COL5A1: variants seen among roughly 807,000 people sequenced by gnomAD.
The protein encoded by COL5A1 is collagen alpha-1(V) chain.
Under a neutral mutation model 263.7 loss-of-function variants are expected in COL5A1, and 16 were observed. That is an observed-to-expected ratio of 0.06 (90% CI 0.04 to 0.09). COL5A1 has a LOEUF of 0.09. COL5A1 is among the 10% of genes least tolerant of loss of function. COL5A1 has a pLI of 1.00. For synonymous variants in COL5A1, 1,012 were observed against 1,004.5 expected (o/e 1.01, Z -0.14); for missense variants, 2,036 against 2,540.5 (o/e 0.80, Z 4.27).
chr9:134,738,475 G>A lies in COL5A1; in HGVS notation c.1391G>A (p.Gly464Asp). ...GACGCCCTCTCTCTGTCTCCCCAGG[G>A]CATGCTCATCGAGGGCCCGCCTGGC... is the stretch of plus-strand genomic sequence containing the variant. ...QKGEPAIIEP[G>D]MLIEGPPGPE... The change falls in exon 10 of 66, where the codon GGC (glycine) becomes GAC (aspartate). Residue 464 changes from glycine (G) to aspartate (D), a missense_variant and splice_region_variant. Gly to Asp is a moderately conservative substitution (Grantham distance 94). This residue lies in a region of COL5A1 where 600 missense variants were observed against 634.5 expected (regional missense o/e 0.95). Coordinates refer to ENST00000371817, the MANE Select transcript of COL5A1 (RefSeq NM_000093.5). 1.2e-6 allele frequency: 2 copies of A among 1,614,064 alleles called. No homozygotes were observed. The highest frequency in any genetic ancestry group is 2.2e-5 in the South Asian group (2 of 91,088).
chr9:134,722,030 C>A (rs930504139), intron 4 of COL5A1, among the ~76,000 whole-genome samples: 10 of 152,262 alleles, frequency 6.6e-5, no homozygotes, highest in African/African-American at 2.2e-4. Context: ...TCTCCTTCTC[C>A]ACGGGGGTGG....
At chr9:134,662,368 C>T (rs2132499087) in intron 1 of COL5A1, among the ~76,000 whole-genome samples, 1 of 152,348 alleles carries the variant, frequency 6.6e-6, no homozygotes, top group South Asian at 2.1e-4. Flanking sequence ...CAGCTGGTTT[C>T]CAGCCCAGTC....
chr9:134,795,565 CCCCAACA>C (rs1837875720), intron 34 of COL5A1, among the ~76,000 whole-genome samples: 1 of 152,196 alleles, frequency 6.6e-6, no homozygotes, highest in Non-Finnish European at 1.5e-5. Flanking sequence ...CAGGGCCTCG[CCCCAACA>C]CCTGGGACCC....
chr9:134,737,185 A>G (rs1413199826), intron 9 of COL5A1, among the ~76,000 whole-genome samples: 4 of 152,214 alleles, frequency 2.6e-5, no homozygotes, highest in African/African-American at 4.8e-5. Flanking sequence ...CAGGCTGTCC[A>G]TGCCACACTT....
At chr9:134,671,987 G>C (rs1832552403) in intron 1 of COL5A1, among the ~76,000 whole-genome samples, 1 of 152,202 alleles carries the variant, frequency 6.6e-6, no homozygotes, top group South Asian at 2.1e-4. Flanking sequence ...CTTGGTGTGG[G>C]GGGGCCCACT....
At chr9:134,690,192 C>T (rs2132549471) in intron 1 of COL5A1, among the ~76,000 whole-genome samples, 1 of 152,252 alleles carries the variant, frequency 6.6e-6, no homozygotes, top group East Asian at 1.9e-4. Flanking sequence ...GGCTGCCCCT[C>T]CCTTGTTCTT....
Position 134,805,225 on chromosome 9 carries a change from G to T in COL5A1, c.3258+11G>T. On this transcript the variant is annotated intron_variant, in intron 41 of 65. Transcript: ENST00000371817. Reference sequence around the variant, plus strand: ...CCACCAGGCCCTGCGGTGAGTCAAAGCCTTTGTCCCATCCTCTTTCTTGAA... The same window carrying T: ...CCACCAGGCCCTGCGGTGAGTCAAATCCTTTGTCCCATCCTCTTTCTTGAA... 2 of 1,613,832 alleles carry T rather than the reference G, an allele frequency of 1.2e-6. No homozygotes were observed. Among genetic ancestry groups the T allele is most frequent in the Non-Finnish European group, 1.7e-6 (2 of 1,180,004 alleles).
At chr9:134,692,215 G>A (rs1411818636) in intron 2 of COL5A1, among the ~76,000 whole-genome samples, 1 of 152,150 alleles carries the variant, frequency 6.6e-6, no homozygotes, top group African/African-American at 2.4e-5. Context: ...AGGTGAAGTG[G>A]CCTGGGACCC....
chr9:134,823,604 C>A, intron 61 of COL5A1, 135 bp downstream of exon 61: 2 of 883,798 alleles, frequency 2.3e-6, no homozygotes, highest in South Asian at 1.6e-5. Context: ...CCTTGTCCCT[C>A]GCACGCAGCC....
intron 4 of COL5A1, chr9:134,709,198 C>T: frequency 2.9e-6 from 1 of 350,274 alleles, no homozygotes; most frequent in East Asian, 7.6e-5. Context: ...GGTTTTTCGT[C>T]TCTTAAATTG....
intron 1 of COL5A1, among the ~76,000 whole-genome samples, chr9:134,644,589 C>CCG (rs1554773017): frequency 3.6e-5 from 3 of 84,046 alleles, no homozygotes; most frequent in South Asian, 4.5e-4. Flanking sequence ...GAGGCAGGCG[C>CCG]GGGGGGGAGC....
chr9:134,771,210 C>T (rs1450254899), intron 25 of COL5A1, among the ~76,000 whole-genome samples: 1 of 152,256 alleles, frequency 6.6e-6, no homozygotes, highest in Admixed American at 6.5e-5. Flanking sequence ...GGGCTCTCGG[C>T]CCCCCTGCAG....
chr9:134,643,982 G>T (rs917008091), intron 1 of COL5A1, among the ~76,000 whole-genome samples: 1 of 152,120 alleles, frequency 6.6e-6, no homozygotes, highest in Non-Finnish European at 1.5e-5. Context: ...TAATCGAAGT[G>T]CGGCTCGTTG....
chr9:134,751,312 C>G (rs1382665725), intron 13 of COL5A1, among the ~76,000 whole-genome samples: 3 of 152,190 alleles, frequency 2.0e-5, no homozygotes, highest in African/African-American at 7.2e-5. Flanking sequence ...GGTCCGGGTT[C>G]TAACTTTACA....
chr9:134,689,031 C>G (rs866714750), intron 1 of COL5A1, among the ~76,000 whole-genome samples: 3 of 152,172 alleles, frequency 2.0e-5, no homozygotes, highest in Admixed American at 1.3e-4. Flanking sequence ...GGCCTGCGCA[C>G]CAAGCACAGT....
intron 37 of COL5A1, among the ~76,000 whole-genome samples, chr9:134,800,950 G>A (rs989849991): frequency 3.9e-5 from 6 of 152,118 alleles, no homozygotes; most frequent in East Asian, 1.9e-4. Flanking sequence ...CGAGGCCTCC[G>A]GGTAGAAGGT....
At chr9:134,819,619 C>T (rs908944810) in intron 57 of COL5A1, among the ~76,000 whole-genome samples, 5 of 152,152 alleles carry the variant, frequency 3.3e-5, no homozygotes, top group East Asian at 1.9e-4. Flanking sequence ...GGCTGCCTTG[C>T]GAGGCTTGCC....
intron 11 of COL5A1, among the ~76,000 whole-genome samples, chr9:134,750,243 C>T (rs568960631): frequency 1.3e-5 from 2 of 152,320 alleles, no homozygotes; most frequent in South Asian, 2.1e-4. Context: ...GGCTCCTTGT[C>T]TCTGCCTTGA....
At chr9:134,787,865 C>T (rs1050547904) in intron 31 of COL5A1, among the ~76,000 whole-genome samples, 6 of 152,128 alleles carry the variant, frequency 3.9e-5, no homozygotes, top group African/African-American at 7.2e-5. Context: ...GATATGGGCG[C>T]GTGGGGGATG....
Sources: gnomAD v4.1 joint callset for allele counts (sites outside exome capture counted in the v4.1 genomes callset) on GRCh38, gnomAD v4.1.1 for gene constraint, gnomAD v4.1.1 regional missense constraint, MANE v1.5 for transcripts, NCBI Gene and HGNC (gene_info 2026-07-23, HGNC 2026-07-21) for gene names.